Variants in PFKM observed in about 807,000 individuals in gnomAD.
PFKM encodes the protein ATP-dependent 6-phosphofructokinase, muscle type.
In PFKM, 58 loss-of-function variants were observed where a neutral mutation model predicts 95.5. The observed-to-expected ratio is 0.61, with a 90% confidence interval of 0.49 to 0.76. The LOEUF is 0.76. Ranked by LOEUF, PFKM falls within the 30% of genes least tolerant of loss-of-function variation. The probability of loss-of-function intolerance (pLI) is 0.00; values close to 1 mark genes in which losing one functional copy is unlikely to be tolerated. For synonymous variants in PFKM, 336 were observed against 357.2 expected, an observed-to-expected ratio of 0.94 and a Z score of 0.67; for missense variants, 678 against 1,005.4, an observed-to-expected ratio of 0.67 and a Z score of 4.40.
At chr12:48,132,176 A>G (rs756667161) in intron 4 of PFKM, 15 of 426,868 alleles carry the variant, frequency 3.5e-5, no homozygotes, top group Non-Finnish European at 6.5e-5. Context: ...AGGAGTACAT[A>G]TGATATGAAA....
chr12:48,114,539 G>C (rs1397876472), upstream of PFKM, among the ~76,000 whole-genome samples: 1 of 152,088 alleles, frequency 6.6e-6, no homozygotes, highest in East Asian at 1.9e-4. Flanking sequence ...CAGCCTGGCG[G>C]GGAGCGACCT....
chr12:48,121,453 T>A (rs1181010513), intron 1 of PFKM, among the ~76,000 whole-genome samples: 1 of 152,258 alleles, frequency 6.6e-6, no homozygotes, highest in East Asian at 1.9e-4. Context: ...GTTAACACAA[T>A]GCATGTTTGT....
In PFKM at chr12:48,135,014, A is replaced by G. The variant is rs777190954; in HGVS notation, c.819A>G (p.Pro273=). 6.2e-7 allele frequency: 1 copy of G among 1,613,530 alleles called. No homozygotes were observed. Among genetic ancestry groups the G allele is most frequent in the South Asian group, 1.1e-5 (1 of 91,066 alleles). Residue 273 remains proline, a synonymous_variant, in exon 9 of 23, where the codon CCA becomes CCG. Coordinates refer to ENST00000359794, the MANE Select transcript of PFKM (RefSeq NM_000289.6). ...GTGCAATTGACAAGAATGGAAAACC[A>G]ATCACCTCAGAAGACATCAAGAATG... The part of the protein sequence containing the change: ...AEGAIDKNGK[P]ITSEDIKNLV...
At position 48,139,356 on chromosome 12, in the gene PFKM, A is replaced by G. The variant is rs2135976553; in HGVS notation, c.1127+7A>G. On this transcript the variant is annotated splice_region_variant and intron_variant, in intron 12 of 22. Coordinates refer to ENST00000359794, the MANE Select transcript of PFKM (RefSeq NM_000289.6). ...CCCTGAAGCTGAGAGGCCGGTGAGG[A>G]GATGACGGGAAGCTCACTAGCTACA... 1 of 1,610,186 alleles carries G rather than the reference A, an allele frequency of 6.2e-7. No individual in the cohort carries two copies.
chr12:48,143,402 A>C (rs1430238632), intron 18 of PFKM, among the ~76,000 whole-genome samples: 1 of 152,208 alleles, frequency 6.6e-6, no homozygotes, highest in Non-Finnish European at 1.5e-5. Context: ...CTCTCAAAAC[A>C]GAGATATAAA....
intron 2 of PFKM, among the ~76,000 whole-genome samples, chr12:48,127,170 T>C (rs961046802): frequency 6.6e-6 from 1 of 152,250 alleles, no homozygotes; most frequent in African/African-American, 2.4e-5. Flanking sequence ...ACTTTTGGCT[T>C]CTAAGACATT....
intron 11 of PFKM, among the ~76,000 whole-genome samples, chr12:48,138,186 G>A (rs1239960375): frequency 6.6e-6 from 1 of 152,140 alleles, no homozygotes; most frequent in Non-Finnish European, 1.5e-5. Context: ...ATTAAGAACA[G>A]GAGAATATTA....
chr12:48,139,330 G>A lies in PFKM; in HGVS notation c.1108G>A (p.Ala370Thr), dbSNP rs779188270. Residue 370 changes from alanine (A) to threonine (T), a missense_variant, in exon 12 of 23, where the codon GCC (alanine) becomes ACC (threonine). Physicochemically the swap from Ala to Thr is moderately conservative, Grantham distance 58 (BLOSUM62 0). Transcript: ENST00000359794. Reference protein sequence around the residue: ...KAMDEKKFDEALKLRGRSFMN... With the variant: ...KAMDEKKFDETLKLRGRSFMN... ...CATGGATGAGAAGAAATTTGACGAA[G>A]CCCTGAAGCTGAGAGGCCGGTGAGG... The A allele has an allele frequency of 6.2e-7, 1 of 1,613,834 alleles. No homozygotes were observed. Among genetic ancestry groups the A allele is most frequent in the Admixed American group, 1.7e-5 (1 of 60,032 alleles).
rs562547342 is a variant in PFKM, at chr12:48,133,961, A to G, written c.594-271A>G. Among the ~76,000 whole-genome samples, 43 of 152,160 alleles carry G rather than the reference A, an allele frequency of 2.8e-4. No homozygotes were observed. The South Asian group carries it at 8.7e-3, about 31-fold the overall frequency. Reference sequence around the variant, plus strand: ...TAGTCCAATTCTCCCTTCACTTCTTATCCTTTCCTTTCCTTCCCTTCCCTG... The same window carrying G: ...TAGTCCAATTCTCCCTTCACTTCTTGTCCTTTCCTTTCCTTCCCTTCCCTG... On this transcript the variant is annotated intron_variant, in intron 6 of 22. Coordinates refer to ENST00000359794, the MANE Select transcript of PFKM (RefSeq NM_000289.6).
chr12:48,107,889 T>G (rs988602440), intron 2 of PFKM, among the ~76,000 whole-genome samples: 1 of 152,208 alleles, frequency 6.6e-6, no homozygotes, highest in African/African-American at 2.4e-5. Context: ...TATGTTCTGC[T>G]TTCCCCCATG....
At chr12:48,137,291 G>GA (rs1950190284) in intron 10 of PFKM, 1 of 267,508 alleles carries the variant, frequency 3.7e-6, no homozygotes, top group Admixed American at 5.1e-5. Context: ...TTGAACTCCT[G>GA]ACCTCAGGTG....
intron 12 of PFKM, 115 bp from the exon 13 acceptor site, chr12:48,139,734 G>A (rs959780729): frequency 6.5e-6 from 5 of 765,056 alleles, no homozygotes; most frequent in Non-Finnish European, 1.2e-5. Context: ...TCTGTCCTCA[G>A]AGGTTTGCCC....
chr12:48,128,259 G>C (rs1592696880), intron 2 of PFKM, among the ~76,000 whole-genome samples: 6 of 149,884 alleles, frequency 4.0e-5, no homozygotes, highest in Non-Finnish European at 5.9e-5. Context: ...ACTGTACTTT[G>C]TCTCTCTCTC....
intron 3 of PFKM, among the ~76,000 whole-genome samples, chr12:48,112,350 A>G (rs1947266187): frequency 6.6e-6 from 1 of 152,208 alleles, no homozygotes; most frequent in Non-Finnish European, 1.5e-5. Flanking sequence ...GTTGTTTTGT[A>G]GAAGGGATTG....
chr12:48,129,243 T>TTC (rs1565877213), intron 2 of PFKM, among the ~76,000 whole-genome samples: 1 of 96,178 alleles, frequency 1.0e-5, no homozygotes, highest in African/African-American at 4.6e-5. Context: ...TTTTTTTTTT[T>TTC]ACAGATGGAG....
At chr12:48,107,533 C>A in intron 2 of PFKM, 1 of 913,680 alleles carries the variant, frequency 1.1e-6, no homozygotes, top group Non-Finnish European at 1.8e-6. Flanking sequence ...GGATGTGAGG[C>A]TTTCTAGTGT....
chr12:48,123,089 CT>C (rs1948452821), intron 2 of PFKM, among the ~76,000 whole-genome samples: 1 of 152,124 alleles, frequency 6.6e-6, no homozygotes, highest in South Asian at 2.1e-4. Flanking sequence ...ACAGGGGGCT[CT>C]TTTGGTCTTT....
intron 3 of PFKM, among the ~76,000 whole-genome samples, chr12:48,110,907 G>A (rs966463710): frequency 1.3e-5 from 2 of 152,110 alleles, no homozygotes; most frequent in African/African-American, 4.8e-5. Flanking sequence ...GCATAGCAAG[G>A]GTGTGAGTCA....
chr12:48,128,339 A>T (rs1055680978), intron 2 of PFKM, among the ~76,000 whole-genome samples: 9 of 152,204 alleles, frequency 5.9e-5, no homozygotes, highest in African/African-American at 2.2e-4. Context: ...TCCTGGGCTC[A>T]AGTGATCCTC....
Sources: allele counts gnomAD v4.1 joint callset (sites outside exome capture counted in the v4.1 genomes callset), GRCh38; gene constraint gnomAD v4.1.1; transcripts MANE v1.5; gene names NCBI Gene and HGNC (gene_info 2026-07-23, HGNC 2026-07-21).